The following PPIL2 variants were observed in gnomAD, a reference collection of about 807,000 sequenced individuals.
The protein encoded by PPIL2 is RING-type E3 ubiquitin-protein ligase PPIL2.
PPIL2 carries 50 observed loss-of-function variants against 75.2 expected under a neutral mutation model. The ratio of observed to expected loss-of-function variants is 0.66; its 90% CI spans 0.53 to 0.84. PPIL2 has a LOEUF of 0.84. Ranked by LOEUF, PPIL2 falls within the 40% of genes least tolerant of loss-of-function variation. The pLI is 0.00. For missense variants in PPIL2, 590 were observed against 685.0 expected, an observed-to-expected ratio of 0.86 and a Z score of 1.55; for synonymous variants, 245 against 258.8, an observed-to-expected ratio of 0.95 and a Z score of 0.51.
rs200749220 is a variant in PPIL2, at chr22:21,684,930, A to G, written c.714+17A>G. ...CTGAACGCTGTGAGTGGCGGAGGGCACTCGGCCAAGCCCAAGCCCCGTCTT... is the reference window on the plus strand; with the variant it reads ...CTGAACGCTGTGAGTGGCGGAGGGCGCTCGGCCAAGCCCAAGCCCCGTCTT... On this transcript the variant is annotated intron_variant, in intron 10 of 19. Coordinates refer to ENST00000398831, the MANE Select transcript of PPIL2 (RefSeq NM_014337.4). 3.1e-6 allele frequency: 5 copies of G among 1,612,272 alleles called. No homozygotes were observed. The highest frequency in any genetic ancestry group is 2.2e-5 in the South Asian group (2 of 91,034).
intron 19 of PPIL2, 31 bp from the exon 20 acceptor site, chr22:21,695,363 G>T: frequency 6.4e-7 from 1 of 1,573,248 alleles, no homozygotes; most frequent in Non-Finnish European, 8.6e-7. Flanking sequence ...GAGGGAGGGT[G>T]TGGGCTCCCA....
At chr22:21,695,136 G>A in intron 19 of PPIL2, 66 bp downstream of exon 19, 1 of 1,492,338 alleles carries the variant, frequency 6.7e-7, no homozygotes, top group African/African-American at 1.4e-5. Context: ...GAGGTCTGAG[G>A]GTCAGACCCA....
At chr22:21,684,054 A>G (rs2067239024) in intron 9 of PPIL2, among the ~76,000 whole-genome samples, 1 of 151,822 alleles carries the variant, frequency 6.6e-6, no homozygotes, top group African/African-American at 2.4e-5. Context: ...CAAAAAATAG[A>G]AAAATTAGCT....
intron 5 of PPIL2, among the ~76,000 whole-genome samples, chr22:21,673,325 G>A (rs2066708426): frequency 6.6e-6 from 1 of 152,194 alleles, no homozygotes. Flanking sequence ...TCTCAGCAGA[G>A]GTCCCTGCTG....
Position 21,695,388 on chromosome 22 carries a change from T to C in PPIL2, c.1467-6T>C. On this transcript the variant is annotated splice_polypyrimidine_tract_variant and splice_region_variant and intron_variant, in intron 19 of 19. Coordinates refer to ENST00000398831, the MANE Select transcript of PPIL2 (RefSeq NM_014337.4). ...GTGGGCTCCCAGCGGCTTCTTCTCT[T>C]CCCAGGAAGCGAGCAGCAGAGGAAG... is the stretch of plus-strand genomic sequence containing the variant. 1 of 1,602,040 alleles carries C rather than the reference T, an allele frequency of 6.2e-7. No individual in the cohort carries two copies. Among genetic ancestry groups the C allele is most frequent in the Non-Finnish European group, 8.5e-7 (1 of 1,174,432 alleles).
At chr22:21,674,750 A>G (rs905931728) in intron 5 of PPIL2, among the ~76,000 whole-genome samples, 1 of 152,204 alleles carries the variant, frequency 6.6e-6, no homozygotes, top group Admixed American at 6.5e-5. Flanking sequence ...TTTAGAAGTA[A>G]TCTGTGCTCA....
intron 8 of PPIL2, 28 bp downstream of exon 8, chr22:21,682,554 G>T: frequency 6.3e-7 from 1 of 1,587,246 alleles, no homozygotes. Context: ...GCCTGCCCCA[G>T]CTGCCTTCAG....
At chr22:21,676,500 G>T (rs1472684880) in intron 6 of PPIL2, among the ~76,000 whole-genome samples, 1 of 151,760 alleles carries the variant, frequency 6.6e-6, no homozygotes, top group Non-Finnish European at 1.5e-5. Flanking sequence ...CTAGGCAGAG[G>T]ACCCTGCGGC....
chr22:21,685,528 CAAATTCTGGA>C (rs2067319696), intron 10 of PPIL2: 1 of 373,990 alleles, frequency 2.7e-6, no homozygotes. Context: ...AAGAATTATT[CAAATTCTGGA>C]AAATTTGAAA....
At chr22:21,692,753 G>A (rs1407855369) in intron 15 of PPIL2, among the ~76,000 whole-genome samples, 8 of 151,276 alleles carry the variant, frequency 5.3e-5, no homozygotes, top group East Asian at 2.1e-4. Context: ...GTGAAACCCC[G>A]TCTCTACTAA....
chr22:21,698,945 T>G (rs2068035194), downstream of PPIL2: 1 of 152,448 alleles, frequency 6.6e-6, no homozygotes, highest in Non-Finnish European at 1.5e-5. Flanking sequence ...AAGATTTCCT[T>G]CCTTTCCTAA....
intron 1 of PPIL2, 103 bp from the exon 2 acceptor site, chr22:21,669,810 A>G (rs1364046656): frequency 5.7e-6 from 7 of 1,236,462 alleles, no homozygotes; most frequent in Non-Finnish European, 8.3e-6. Flanking sequence ...CATAGTAGGT[A>G]TTTAGTAAGC....
intron 3 of PPIL2, 148 bp downstream of exon 3, chr22:21,670,759 T>A: frequency 2.1e-6 from 2 of 971,606 alleles, no homozygotes; most frequent in Non-Finnish European, 1.6e-6. Flanking sequence ...AGATGCAGAG[T>A]CCTCGTCATG....
chr22:21,696,812 T>C lies in PPIL2; in HGVS notation c.*1322T>C, dbSNP rs771831513. The stretch of plus-strand genomic sequence containing the variant: ...ATCACTGATGCTGAAGCTGCAGGCC[T>C]GAGCCCTTTGTCTCCCTGGATGCTG... On this transcript the variant is annotated 3_prime_UTR_variant, in exon 20 of 20. Transcript: ENST00000398831. 8 of 1,554,242 alleles carry C rather than the reference T, an allele frequency of 5.1e-6. No homozygotes were observed. The East Asian group carries it at 1.7e-4, about 33-fold the overall frequency.
chr22:21,670,326 C>A (rs1326200268), intron 2 of PPIL2: 2 of 1,505,604 alleles, frequency 1.3e-6, no homozygotes, highest in Non-Finnish European at 1.8e-6. Context: ...ACTACAATAA[C>A]AAGAGCACTG....
At chr22:21,675,589 G>C (rs1042797888) in intron 6 of PPIL2, among the ~76,000 whole-genome samples, 3 of 152,218 alleles carry the variant, frequency 2.0e-5, no homozygotes, top group Admixed American at 6.5e-5. Flanking sequence ...GTTTTAAGGT[G>C]GGGGAGGTTG....
intron 1 of PPIL2, chr22:21,669,551 A>C (rs1273972593): frequency 2.9e-6 from 1 of 346,896 alleles, no homozygotes; most frequent in Non-Finnish European, 5.7e-6. Flanking sequence ...CCCAGGCTGG[A>C]GTACAGTGGT....
rs1444963989 is a variant in PPIL2 at position 21,688,852 on chromosome 22, G to A, written c.1139+3G>A. 5 of 1,613,648 alleles carry A rather than the reference G, an allele frequency of 3.1e-6. No homozygotes were observed. Among genetic ancestry groups the A allele is most frequent in the Non-Finnish European group, 4.2e-6 (5 of 1,179,662 alleles). On this transcript the variant is annotated splice_donor_region_variant and intron_variant, in intron 15 of 19. Transcript: ENST00000398831. ...CCCAACAGCAACAGGTCTCAATTGTGAGTCAGCTGGGCTTGCTGGGGTGGC... is the reference window on the plus strand; with the variant it reads ...CCCAACAGCAACAGGTCTCAATTGTAAGTCAGCTGGGCTTGCTGGGGTGGC...
At position 21,693,928 on chromosome 22, in the gene PPIL2, C is replaced by T. The variant is rs2067795431; in HGVS notation, c.1196+56C>T. 2.0e-6 allele frequency: 3 copies of T among 1,497,224 alleles called. No homozygotes were observed. The Admixed American group carries it at 5.0e-5, about 25-fold the overall frequency. 92.7% of individuals were successfully genotyped at this position (1,497,224 alleles called of 1,614,324 possible). ...GGTCAGTGGGCTAGGTGGGTTCCTT[C>T]CCCACCTGAGGCCTCCTCACTGCCT... On this transcript the variant is annotated intron_variant, in intron 16 of 19. Transcript: ENST00000398831.
Sources: gnomAD v4.1 joint callset for allele counts (sites outside exome capture counted in the v4.1 genomes callset) on GRCh38, gnomAD v4.1.1 for gene constraint, MANE v1.5 for transcripts, NCBI Gene and HGNC (gene_info 2026-07-23, HGNC 2026-07-21) for gene names.